MEGF10: variants seen among roughly 807,000 people sequenced by gnomAD.
MEGF10 encodes the protein multiple epidermal growth factor-like domains protein 10.
A neutral mutation model predicts 147.5 loss-of-function variants in MEGF10; 86 were observed. The ratio of observed to expected loss-of-function variants is 0.58; its 90% confidence interval spans 0.49 to 0.70. The LOEUF (loss-of-function observed/expected upper bound fraction) is 0.70. Ranked by LOEUF, MEGF10 falls within the 30% of genes least tolerant of loss-of-function variation. The probability of loss-of-function intolerance (pLI) is 0.00; values close to 1 mark genes in which losing one functional copy is unlikely to be tolerated. For missense variants in MEGF10, 1,329 were observed against 1,487.3 expected, an observed-to-expected ratio of 0.89 and a Z score of 1.75; for synonymous variants, 478 against 525.5, an observed-to-expected ratio of 0.91 and a Z score of 1.24.
intron 4 of MEGF10, among the ~76,000 whole-genome samples, chr5:127,342,399 A>G (rs1312021574): frequency 2.6e-5 from 4 of 152,192 alleles, no homozygotes; most frequent in African/African-American, 7.2e-5. Context: ...CAGGGGTCAT[A>G]GAATTTGTAT....
the MEGF10 span, among the ~76,000 whole-genome samples, chr5:127,247,550 A>G: frequency 6.6e-6 from 1 of 152,150 alleles, no homozygotes; most frequent in African/African-American, 2.4e-5. Context: ...TGATTTATCT[A>G]TGCAACTTTA....
At chr5:127,235,288 C>G in the MEGF10 span, among the ~76,000 whole-genome samples, 1 of 152,204 alleles carries the variant, frequency 6.6e-6, no homozygotes, top group Non-Finnish European at 1.5e-5. Context: ...CTCTCCCAAG[C>G]TTTTACCTCC....
intron 4 of MEGF10, among the ~76,000 whole-genome samples, chr5:127,368,466 C>G (rs1371143395): frequency 2.6e-5 from 4 of 152,154 alleles, no homozygotes; most frequent in Admixed American, 2.0e-4. Context: ...TTTCTTATAA[C>G]AAATGTATAC....
chr5:127,297,375 C>T (rs1322005888), intron 1 of MEGF10, among the ~76,000 whole-genome samples: 1 of 152,128 alleles, frequency 6.6e-6, no homozygotes, highest in Admixed American at 6.5e-5. Context: ...GTACACATTG[C>T]ATGCCCATAT....
In MEGF10 at chr5:127,457,410, G is replaced by A; in HGVS notation, c.*92G>A. The A allele has an allele frequency of 2.2e-6, 3 of 1,392,282 alleles. No individual in the cohort carries two copies. The highest frequency in any genetic ancestry group is 2.9e-6 in the Non-Finnish European group (3 of 1,043,468). 86.2% of individuals were successfully genotyped at this position (1,392,282 alleles called of 1,614,324 possible). A position where few individuals can be genotyped will look rare whatever the true frequency, so the allele number is the denominator to read the frequency against. On this transcript the variant is annotated 3_prime_UTR_variant, in exon 25 of 25. Coordinates refer to ENST00000503335, the MANE Select transcript of MEGF10 (RefSeq NM_001256545.2). ...TCAATTTTGCCACTTTCATGTGAAT[G>A]TTAGTCAATTCGGTGGGCAATTTTT... is the stretch of plus-strand genomic sequence containing the variant.
the MEGF10 span, among the ~76,000 whole-genome samples, chr5:127,231,408 G>A: frequency 1.3e-5 from 2 of 152,068 alleles, no homozygotes; most frequent in Non-Finnish European, 2.9e-5. Context: ...ATGTGATGCC[G>A]GAAACACTCT....
At chr5:127,322,522 A>G (rs558716047) in intron 1 of MEGF10, among the ~76,000 whole-genome samples, 23 of 152,296 alleles carry the variant, frequency 1.5e-4, no homozygotes, top group African/African-American at 5.5e-4. Context: ...CATGTTTTGT[A>G]ATCCTCCTTT....
chr5:127,428,883 C>T lies in MEGF10; in HGVS notation c.1694-4480C>T, dbSNP rs73783793. ...GTGAATGCTGATTTCACATTGAGGC[C>T]GCTGGCATAATGCATCAGGCATTAA... On this transcript the variant is annotated intron_variant, in intron 13 of 24. Coordinates refer to ENST00000503335, the MANE Select transcript of MEGF10 (RefSeq NM_001256545.2). Among the ~76,000 whole-genome samples, 793 of 152,282 alleles carry T rather than the reference C, an allele frequency of 5.2e-3. 10 individuals carry two copies. Among genetic ancestry groups the T allele is most frequent in the African/African-American group, 0.018 (753 of 41,552 alleles).
chr5:127,389,061 C>T (rs2126901905), intron 5 of MEGF10, among the ~76,000 whole-genome samples: 1 of 152,212 alleles, frequency 6.6e-6, no homozygotes, highest in African/African-American at 2.4e-5. Context: ...ATCATTTCAG[C>T]ACTTCAGGAG....
chr5:127,398,208 T>C (rs1194343531), intron 6 of MEGF10, among the ~76,000 whole-genome samples: 1 of 151,846 alleles, frequency 6.6e-6, no homozygotes, highest in Non-Finnish European at 1.5e-5. Context: ...ATTCTGCACA[T>C]GTATCCTGGA....
chr5:127,432,727 C>A (rs766854455), intron 13 of MEGF10, among the ~76,000 whole-genome samples: 1 of 152,126 alleles, frequency 6.6e-6, no homozygotes, highest in Non-Finnish European at 1.5e-5. Context: ...AGTTAAACAA[C>A]TGCATACAGT....
At chr5:127,382,331 A>G (rs1399773402) in intron 5 of MEGF10, among the ~76,000 whole-genome samples, 3 of 152,240 alleles carry the variant, frequency 2.0e-5, no homozygotes, top group Non-Finnish European at 4.4e-5. Flanking sequence ...CTCTTGGTCC[A>G]TAAATAAATG....
the MEGF10 span, among the ~76,000 whole-genome samples, chr5:127,247,467 G>GAAGAAGAAGAAGAAGAAGA: frequency 4.3e-5 from 5 of 117,140 alleles, no homozygotes; most frequent in East Asian, 2.7e-4. Flanking sequence ...AGAAGAAGAA[G>GAAGAAGAAGAAGAAGAAGA]AAGAAGAAGA....
intron 1 of MEGF10, among the ~76,000 whole-genome samples, chr5:127,305,390 T>G (rs1055707329): frequency 1.3e-5 from 2 of 152,182 alleles, no homozygotes; most frequent in East Asian, 3.9e-4. Context: ...GGAGGCTGAG[T>G]AGCAGAGGCC....
intron 1 of MEGF10, among the ~76,000 whole-genome samples, chr5:127,319,589 A>C (rs990595563): frequency 6.6e-6 from 1 of 152,152 alleles, no homozygotes; most frequent in Non-Finnish European, 1.5e-5. Flanking sequence ...GCTCTTTCAC[A>C]TGGCCATTGG....
intron 1 of MEGF10, among the ~76,000 whole-genome samples, chr5:127,317,516 C>T (rs139079062): frequency 0.019 from 2,921 of 152,210 alleles, 103 homozygotes; most frequent in African/African-American, 0.064. Context: ...GATCCAGTTT[C>T]AGCTTTCTAC....
chr5:127,271,808 C>T, the MEGF10 span, among the ~76,000 whole-genome samples: 62,191 of 152,054 alleles, frequency 0.41, 13,093 homozygotes, highest in Middle Eastern at 0.55. Context: ...TGTGGAACTA[C>T]GAATCAATTA....
chr5:127,321,417 ATG>A (rs147848508), intron 1 of MEGF10, among the ~76,000 whole-genome samples: 3 of 151,702 alleles, frequency 2.0e-5, no homozygotes, highest in African/African-American at 7.3e-5. Flanking sequence ...GTTTGTGTGT[ATG>A]TGTGTGTGTA....
intron 5 of MEGF10, among the ~76,000 whole-genome samples, chr5:127,373,501 T>C (rs1762920568): frequency 6.6e-6 from 1 of 152,194 alleles, no homozygotes; most frequent in Non-Finnish European, 1.5e-5. Context: ...AGTGCTTTCT[T>C]ACTTTCTGGT....
Sources: allele counts gnomAD v4.1 joint callset (sites outside exome capture counted in the v4.1 genomes callset), GRCh38; gene constraint gnomAD v4.1.1; transcripts MANE v1.5; gene names NCBI Gene and HGNC (gene_info 2026-07-23, HGNC 2026-07-21).